Variants in NFIB observed in about 807,000 individuals in gnomAD.
NFIB encodes nuclear factor 1 B-type.
A neutral mutation model predicts 61.5 loss-of-function variants in NFIB; 11 were observed. The observed-to-expected ratio is 0.18, with a 90% CI of 0.11 to 0.30. The LOEUF (loss-of-function observed/expected upper bound fraction) is 0.30. Among genes scored for constraint, NFIB ranks in the 10% least tolerant of loss-of-function variants. NFIB has a pLI of 1.00. For missense variants in NFIB, 471 were observed against 608.9 expected (o/e 0.77, Z 2.38); for synonymous variants, 260 against 216.5 (o/e 1.20, Z -1.76).
chr9:14,392,539 G>A (rs925981233), intron 1 of NFIB, among the ~76,000 whole-genome samples: 1 of 152,024 alleles, frequency 6.6e-6, no homozygotes, highest in Non-Finnish European at 1.5e-5. Flanking sequence ...ACCGACCTGG[G>A]CAACATGGTG....
chr9:14,130,818 C>CA (rs35783216), intron 6 of NFIB, among the ~76,000 whole-genome samples: 1 of 152,040 alleles, frequency 6.6e-6, no homozygotes, highest in Non-Finnish European at 1.5e-5. Context: ...GAAAAATAAC[C>CA]ATAGCCAGTA....
chr9:14,366,712 C>G (rs902899361), intron 1 of NFIB, among the ~76,000 whole-genome samples: 5 of 152,148 alleles, frequency 3.3e-5, no homozygotes, highest in African/African-American at 1.2e-4. Flanking sequence ...TCTCGAACTC[C>G]TGACCTCTTG....
chr9:14,205,135 C>T (rs2049498638), intron 2 of NFIB: 2 of 138,270 alleles, frequency 1.4e-5, no homozygotes, highest in Admixed American at 8.0e-5. Context: ...TGGCATAAAA[C>T]TGAAAAAAAC....
chr9:14,093,513 G>A (rs994170295), intron 10 of NFIB: 2 of 151,958 alleles, frequency 1.3e-5, no homozygotes, highest in African/African-American at 2.4e-5. Context: ...AATGAGCAAT[G>A]GCCCAGAAAG....
intron 3 of NFIB, among the ~76,000 whole-genome samples, chr9:14,175,685 A>G (rs1459284698): frequency 6.6e-6 from 1 of 152,204 alleles, no homozygotes; most frequent in Non-Finnish European, 1.5e-5. Flanking sequence ...AAAATAGCAC[A>G]AGCACCTATA....
chr9:14,493,894 G>A, the NFIB span, among the ~76,000 whole-genome samples: 1 of 152,290 alleles, frequency 6.6e-6, no homozygotes, highest in East Asian at 1.9e-4. Context: ...CTCATTAATG[G>A]AAGTGGCAGA....
At chr9:14,446,482 T>C in the NFIB span, among the ~76,000 whole-genome samples, 9 of 152,148 alleles carry the variant, frequency 5.9e-5, no homozygotes, top group Non-Finnish European at 2.9e-5. Context: ...CAGATCTCTT[T>C]TACAGTTCAC....
intron 10 of NFIB, among the ~76,000 whole-genome samples, chr9:14,098,018 A>C (rs1587141203): frequency 6.6e-6 from 1 of 152,046 alleles, no homozygotes; most frequent in East Asian, 1.9e-4. Flanking sequence ...AACATGTGTA[A>C]AGTAACTACA....
At chr9:14,268,072 T>C (rs1303216534) in intron 2 of NFIB, among the ~76,000 whole-genome samples, 1 of 150,424 alleles carries the variant, frequency 6.6e-6, no homozygotes, top group African/African-American at 2.4e-5. Flanking sequence ...GAGGTGGAGG[T>C]TGCAGTGAGC....
At chr9:14,433,981 C>G in the NFIB span, among the ~76,000 whole-genome samples, 1 of 152,172 alleles carries the variant, frequency 6.6e-6, no homozygotes, top group African/African-American at 2.4e-5. Context: ...GCGGCCACAA[C>G]GCAGAGTACT....
chr9:14,259,504 G>C (rs980489331), intron 2 of NFIB, among the ~76,000 whole-genome samples: 5 of 152,180 alleles, frequency 3.3e-5, no homozygotes, highest in Non-Finnish European at 7.3e-5. Flanking sequence ...GGTATGAAGA[G>C]GGAGAAGTTT....
chr9:14,149,953 G>A (rs981842862), intron 5 of NFIB, among the ~76,000 whole-genome samples, 192 bp downstream of exon 5: 1 of 152,116 alleles, frequency 6.6e-6, no homozygotes, highest in Non-Finnish European at 1.5e-5. Context: ...TTTTAAAACT[G>A]CTGTGTACAA....
intron 1 of NFIB, among the ~76,000 whole-genome samples, chr9:14,370,319 G>A (rs2061345126): frequency 6.6e-6 from 1 of 152,152 alleles, no homozygotes; most frequent in African/African-American, 2.4e-5. Context: ...GGTCTATGGA[G>A]CCATAAGGTC....
At chr9:14,257,427 C>A (rs529729021) in intron 2 of NFIB, among the ~76,000 whole-genome samples, 2 of 152,242 alleles carry the variant, frequency 1.3e-5, no homozygotes, top group Admixed American at 6.5e-5. Flanking sequence ...GCTGAATGAA[C>A]AAGAGAGAAA....
chr9:14,341,571 C>T lies in NFIB; in HGVS notation c.109-34051G>A, dbSNP rs146095043. Among the ~76,000 whole-genome samples, 148 of 152,214 alleles carry T rather than the reference C, an allele frequency of 9.7e-4. 2 individuals carry two copies. The East Asian group carries it at 0.02, about 21-fold the overall frequency. ...CCAGCACAGACTCCAGTGTCAGTGC[C>T]GCTCACTGGTTGCCAAGGCTCCGAT... On this transcript the variant is annotated intron_variant, in intron 1 of 8. Transcript: ENST00000380934.
rs2038846510 is a variant in NFIB, at chr9:14,120,941, T to C, written c.1061-317A>G. ...TAAAACACTTCTTTGAGCAAAGATA[T>C]ATCCCGTTGAAAACATATTCTTTGA... On this transcript the variant is annotated intron_variant, in intron 7 of 10. Coordinates refer to ENST00000380953, the MANE Select transcript of NFIB (RefSeq NM_001190737.2). The surrounding 1 kb of genome is among the most constrained non-coding windows in gnomAD (Gnocchi z 4.4). 6.6e-6 allele frequency among the ~76,000 whole-genome samples: 1 copy of C among 152,198 alleles called. No homozygotes were observed. Among genetic ancestry groups the C allele is most frequent in the Non-Finnish European group, 1.5e-5 (1 of 68,034 alleles).
chr9:14,421,417 A>T, the NFIB span, among the ~76,000 whole-genome samples: 1 of 152,208 alleles, frequency 6.6e-6, no homozygotes, highest in Non-Finnish European at 1.5e-5. Context: ...CAGAGTGTAT[A>T]TGTTCTTTCA....
At chr9:14,192,087 G>C (rs116802990) in intron 2 of NFIB, among the ~76,000 whole-genome samples, 86 of 152,258 alleles carry the variant, frequency 5.6e-4, no homozygotes, top group African/African-American at 1.5e-3. Context: ...TTCTTTGTCA[G>C]AGTTAATTGC....
intron 7 of NFIB, among the ~76,000 whole-genome samples, chr9:14,124,970 C>G (rs2039437787): frequency 6.6e-6 from 1 of 152,086 alleles, no homozygotes; most frequent in African/African-American, 2.4e-5. Flanking sequence ...CCTTTAGAAA[C>G]ACTCTAAACT....
Sources: gnomAD v4.1 joint callset for allele counts (sites outside exome capture counted in the v4.1 genomes callset) on GRCh38, gnomAD v4.1.1 for gene constraint, Gnocchi (gnomAD v3.1) non-coding constraint, MANE v1.5 for transcripts, NCBI Gene and HGNC (gene_info 2026-07-23, HGNC 2026-07-21) for gene names.